The following EYA1 variants were observed in gnomAD, a reference collection of about 807,000 sequenced individuals.
EYA1 encodes the protein EYA transcriptional coactivator and phosphatase 1.
In EYA1, 16 loss-of-function variants were observed where a neutral mutation model predicts 82.0. The observed-to-expected ratio is 0.20, with a 90% CI of 0.13 to 0.30. EYA1 has a LOEUF of 0.30. Ranked by LOEUF, EYA1 falls within the 10% of genes least tolerant of loss-of-function variation. The pLI, the probability that EYA1 is intolerant of heterozygous loss-of-function variation, is 1.00. For missense variants in EYA1, 633 were observed against 730.7 expected (o/e 0.87, Z 1.54); for synonymous variants, 261 against 264.4 (o/e 0.99, Z 0.12).
At chr8:71,489,817 C>T (rs905001885) in intron 2 of EYA1, among the ~76,000 whole-genome samples, 1 of 152,226 alleles carries the variant, frequency 6.6e-6, no homozygotes, top group African/African-American at 2.4e-5. Context: ...CTTCAGTTGA[C>T]AATGCTGCAA....
chr8:71,230,963 C>T (rs570910225), intron 12 of EYA1, among the ~76,000 whole-genome samples: 33 of 152,318 alleles, frequency 2.2e-4, no homozygotes, highest in African/African-American at 7.5e-4. Flanking sequence ...TACACCTGCT[C>T]ACTGGACTCC....
intron 9 of EYA1, among the ~76,000 whole-genome samples, chr8:71,287,783 G>A (rs996800959): frequency 6.6e-6 from 1 of 152,218 alleles, no homozygotes; most frequent in African/African-American, 2.4e-5. Context: ...CCAGCACCAA[G>A]CACAGTGCCT....
At chr8:71,232,563 C>A (rs1279430165) in intron 12 of EYA1, among the ~76,000 whole-genome samples, 1 of 152,204 alleles carries the variant, frequency 6.6e-6, no homozygotes, top group African/African-American at 2.4e-5. Flanking sequence ...CAGCACACCT[C>A]CCGGCATGCA....
Position 71,256,988 on chromosome 8 carries a change from A to C in EYA1, c.1051-12296T>G, listed in dbSNP as rs563657821. 2.2e-3 allele frequency among the ~76,000 whole-genome samples: 339 copies of C among 151,634 alleles called. 1 individual carries two copies. Among genetic ancestry groups the C allele is most frequent in the African/African-American group, 7.9e-3 (327 of 41,186 alleles). On this transcript the variant is annotated intron_variant, in intron 11 of 17. Transcript: ENST00000340726. ...CACTCCAGCCTGGGCAACAAGAACTAAACTCCATCTCAAAAAAAAAATAAA... is the reference window on the plus strand; with the variant it reads ...CACTCCAGCCTGGGCAACAAGAACTCAACTCCATCTCAAAAAAAAAATAAA...
chr8:71,266,181 C>A (rs1024124777), intron 11 of EYA1, among the ~76,000 whole-genome samples: 1 of 152,190 alleles, frequency 6.6e-6, no homozygotes, highest in Admixed American at 6.5e-5. Context: ...CATTGTCAGG[C>A]ATTCATTCTT....
intron 4 of EYA1, among the ~76,000 whole-genome samples, chr8:71,327,333 T>C (rs1212690253): frequency 1.3e-5 from 2 of 152,240 alleles, no homozygotes; most frequent in African/African-American, 4.8e-5. Context: ...TGTTACACAA[T>C]ATTTTTTCTC....
At chr8:71,524,790 A>T (rs957945323) in intron 2 of EYA1, among the ~76,000 whole-genome samples, 1 of 152,230 alleles carries the variant, frequency 6.6e-6, no homozygotes, top group African/African-American at 2.4e-5. Context: ...ATCCCTTTGG[A>T]CTATGGACAG....
At chr8:71,401,477 A>G (rs1005136591) in intron 2 of EYA1, among the ~76,000 whole-genome samples, 9 of 152,184 alleles carry the variant, frequency 5.9e-5, no homozygotes, top group Non-Finnish European at 1.3e-4. Context: ...CATTGTTTTC[A>G]GAATAAAATC....
chr8:71,543,243 A>G (rs918021778), intron 1 of EYA1, among the ~76,000 whole-genome samples: 1 of 152,166 alleles, frequency 6.6e-6, no homozygotes, highest in Non-Finnish European at 1.5e-5. Context: ...TTAAAAATAT[A>G]CCACAACAAC....
In EYA1 at chr8:71,305,455, G is replaced by A. The variant is rs10104393; in HGVS notation, c.557-5735C>T. Among the ~76,000 whole-genome samples the A allele has an allele frequency of 5.5e-3, 770 of 140,092 alleles. 63 individuals are homozygous for A. Among genetic ancestry groups the A allele is most frequent in the African/African-American group, 0.018 (738 of 39,988 alleles). The allele number at this position is 140,092 out of a possible 152,430, so 91.9% of individuals were successfully genotyped here. A position where few individuals can be genotyped will look rare whatever the true frequency, so the allele number is the denominator to read the frequency against. Reference sequence around the variant, plus strand: ...TTGGTTAAAAGGAAAAGCTTACCTAGTTATATAACTATTGGCCAATATGGT... The same window carrying A: ...TTGGTTAAAAGGAAAAGCTTACCTAATTATATAACTATTGGCCAATATGGT... On this transcript the variant is annotated intron_variant, in intron 7 of 17. Transcript: ENST00000340726.
intron 2 of EYA1, among the ~76,000 whole-genome samples, chr8:71,465,332 G>C (rs1808696459): frequency 6.6e-6 from 1 of 152,156 alleles, no homozygotes. Context: ...TTGGTTAAAA[G>C]GAAGAAGAGG....
At chr8:71,521,399 C>CTACA (rs1813389210) in intron 2 of EYA1, among the ~76,000 whole-genome samples, 1 of 151,954 alleles carries the variant, frequency 6.6e-6, no homozygotes, top group African/African-American at 2.4e-5. Context: ...AAATGTGGAA[C>CTACA]TACATATGGG....
At chr8:71,240,223 C>T (rs915123892) in intron 12 of EYA1, among the ~76,000 whole-genome samples, 5 of 151,732 alleles carry the variant, frequency 3.3e-5, no homozygotes, top group African/African-American at 1.2e-4. Context: ...GCCCTGGACT[C>T]ATCAAACTCA....
intron 3 of EYA1, among the ~76,000 whole-genome samples, chr8:71,349,783 C>T (rs534884404): frequency 6.6e-6 from 1 of 152,272 alleles, no homozygotes; most frequent in East Asian, 1.9e-4. Context: ...CAAGCCCAGA[C>T]TCTTAGCTAT....
At chr8:71,287,327 G>A (rs1818502606) in intron 9 of EYA1, among the ~76,000 whole-genome samples, 2 of 152,010 alleles carry the variant, frequency 1.3e-5, no homozygotes, top group South Asian at 4.2e-4. Context: ...AGCCTTATAG[G>A]GATAACCAGT....
intron 17 of EYA1, 27 bp from the exon 18 acceptor site, chr8:71,199,447 A>T (rs1179960084): frequency 1.3e-6 from 2 of 1,565,928 alleles, no homozygotes; most frequent in Non-Finnish European, 1.8e-6. Context: ...CATACATGTG[A>T]GGACAGAGCA....
intron 2 of EYA1, among the ~76,000 whole-genome samples, chr8:71,386,237 T>C (rs975484019): frequency 7.3e-5 from 11 of 151,390 alleles, no homozygotes; most frequent in African/African-American, 2.7e-4. Flanking sequence ...AAGACCAGGG[T>C]CAACACTACA....
intron 12 of EYA1, among the ~76,000 whole-genome samples, chr8:71,224,795 A>G (rs193247102): frequency 2.0e-5 from 3 of 152,320 alleles, no homozygotes; most frequent in Admixed American, 1.3e-4. Context: ...TTGAGTGACA[A>G]AGGTCTTAAG....
chr8:71,469,664 A>G (rs538450544), intron 2 of EYA1, among the ~76,000 whole-genome samples: 4 of 152,190 alleles, frequency 2.6e-5, no homozygotes, highest in Admixed American at 2.6e-4. Context: ...GACTTAGGTG[A>G]ATGCCCATTA....
Sources: gnomAD v4.1 joint callset for allele counts (sites outside exome capture counted in the v4.1 genomes callset) on GRCh38, gnomAD v4.1.1 for gene constraint, MANE v1.5 for transcripts, NCBI Gene and HGNC (gene_info 2026-07-23, HGNC 2026-07-21) for gene names.